The following PAN3 variants were observed in gnomAD, a reference collection of about 807,000 sequenced individuals.
The protein encoded by PAN3 is PAN2-PAN3 deadenylation complex subunit PAN3.
A neutral mutation model predicts 96.2 loss-of-function variants in PAN3; 19 were observed. That is an observed-to-expected ratio of 0.20 (90% CI 0.14 to 0.29). The LOEUF (loss-of-function observed/expected upper bound fraction) is 0.29. Among genes scored for constraint, PAN3 ranks in the 10% least tolerant of loss-of-function variants. The pLI, the probability that PAN3 is intolerant of heterozygous loss-of-function variation, is 1.00. For missense variants in PAN3, 882 were observed against 1,108.1 expected, an observed-to-expected ratio of 0.80 and a Z score of 2.90; for synonymous variants, 433 against 406.6, an observed-to-expected ratio of 1.06 and a Z score of -0.78.
intron 9 of PAN3, among the ~76,000 whole-genome samples, chr13:28,263,822 C>T (rs1278646199): frequency 6.6e-6 from 1 of 152,070 alleles, no homozygotes; most frequent in African/African-American, 2.4e-5. Context: ...TTAATTTTAT[C>T]TACATTTGTA....
intron 5 of PAN3, among the ~76,000 whole-genome samples, chr13:28,208,683 T>A (rs1268443042): frequency 6.6e-6 from 1 of 152,212 alleles, no homozygotes; most frequent in Non-Finnish European, 1.5e-5. Flanking sequence ...ATTTCAGATT[T>A]TCTGATTAGG....
chr13:28,205,374 C>A (rs1467759013), intron 5 of PAN3, among the ~76,000 whole-genome samples: 1 of 152,086 alleles, frequency 6.6e-6, no homozygotes, highest in African/African-American at 2.4e-5. Flanking sequence ...CCCTGGACCT[C>A]CTCTTCTCTC....
At chr13:28,165,127 C>T (rs138995929) in intron 1 of PAN3, among the ~76,000 whole-genome samples, 5,047 of 152,140 alleles carry the variant, frequency 0.033, 106 homozygotes, top group Non-Finnish European at 0.053. Flanking sequence ...AGGCTGGTCT[C>T]GAACTCCTGA....
At chr13:28,213,599 G>A (rs532568958) in intron 5 of PAN3, among the ~76,000 whole-genome samples, 52 of 150,782 alleles carry the variant, frequency 3.4e-4, no homozygotes, top group Non-Finnish European at 6.2e-4. Flanking sequence ...GTTTTGAAAC[G>A]TACTATGGTT....
chr13:28,216,415 T>C (rs1880778386), intron 5 of PAN3, among the ~76,000 whole-genome samples: 2 of 152,162 alleles, frequency 1.3e-5, no homozygotes, highest in African/African-American at 4.8e-5. Flanking sequence ...TTGATTTGGG[T>C]AATGGTTTCC....
At chr13:28,283,468 A>G (rs117179710) in intron 17 of PAN3, among the ~76,000 whole-genome samples, 3,744 of 152,240 alleles carry the variant, frequency 0.025, 61 homozygotes, top group South Asian at 0.051. Context: ...CATCCCCAAT[A>G]TCTATTCCCA....
At chr13:28,198,742 G>C (rs1375889428) in intron 5 of PAN3, among the ~76,000 whole-genome samples, 1 of 152,138 alleles carries the variant, frequency 6.6e-6, no homozygotes, top group Non-Finnish European at 1.5e-5. Context: ...CCAAGGCAAA[G>C]CCTATAATCC....
rs1869993212 is a variant in PAN3, at chr13:28,293,389, T to G, written c.*867T>G. 3 of 14,640 alleles carry G rather than the reference T, an allele frequency of 2.0e-4. No individual in the cohort carries two copies. The highest frequency in any genetic ancestry group is 1.3e-3 in the Admixed American group (1 of 794). The allele number at this position is 14,640 out of a possible 1,614,324, so 0.9% of individuals were successfully genotyped here. A position where few individuals can be genotyped will look rare whatever the true frequency, so the allele number is the denominator to read the frequency against. On this transcript the variant is annotated 3_prime_UTR_variant, in exon 19 of 19. Transcript: ENST00000380958. ...TTTAGGTTCTTTCCAGTTTGCTGGT[T>G]TTTTTTTTTTTTTTTTTTTTTTTTT...
At chr13:28,172,854 C>T (rs992078437) in intron 1 of PAN3, among the ~76,000 whole-genome samples, 21 of 152,044 alleles carry the variant, frequency 1.4e-4, no homozygotes, top group South Asian at 2.1e-4. Context: ...GGCAGGAGTT[C>T]GAGACCAGCC....
intron 5 of PAN3, among the ~76,000 whole-genome samples, chr13:28,217,865 T>A (rs1438293322): frequency 2.6e-5 from 4 of 151,990 alleles, no homozygotes; most frequent in East Asian, 1.9e-4. Flanking sequence ...CTATTTTTCT[T>A]ATTTATCCCA....
intron 7 of PAN3, among the ~76,000 whole-genome samples, chr13:28,259,387 A>G (rs936625177): frequency 6.6e-5 from 10 of 150,944 alleles, no homozygotes; most frequent in South Asian, 2.1e-4. Flanking sequence ...GTGCACTGCA[A>G]CCTCCACCTC....
intron 4 of PAN3, among the ~76,000 whole-genome samples, chr13:28,192,541 T>G (rs1877428772): frequency 6.6e-6 from 1 of 152,218 alleles, no homozygotes; most frequent in Non-Finnish European, 1.5e-5. Context: ...CTAGGCACAT[T>G]TATTCTTCCT....
chr13:28,281,766 C>CTTTTTTTTTTTTTTTTTTT (rs10707261), intron 17 of PAN3, among the ~76,000 whole-genome samples: 1 of 114,958 alleles, frequency 8.7e-6, no homozygotes, highest in Non-Finnish European at 1.8e-5. Flanking sequence ...TTAAAGCACA[C>CTTTTTTTTTTTTTTTTTTT]TTTTTTTTTT....
chr13:28,192,146 T>C (rs1400234127), intron 4 of PAN3, among the ~76,000 whole-genome samples: 1 of 151,408 alleles, frequency 6.6e-6, no homozygotes, highest in Non-Finnish European at 1.5e-5. Flanking sequence ...CTCAGCTCAC[T>C]GCAGCCTCCG....
chr13:28,188,843 AATG>A lies in PAN3; in HGVS notation c.691-8341_691-8339del, dbSNP rs766552843. On this transcript the variant is annotated intron_variant, in intron 4 of 18. Transcript: ENST00000380958. Reference sequence around the variant, plus strand: ...TGTTTTGCAATTACCAAAAGAATTAAATGCTCTGAGAATTGGTCTGTTACTTAG... The same window carrying A: ...TGTTTTGCAATTACCAAAAGAATTAACTCTGAGAATTGGTCTGTTACTTAG... 1.2e-3 allele frequency among the ~76,000 whole-genome samples: 178 copies of A among 152,330 alleles called. 1 individual carries two copies. Among genetic ancestry groups the A allele is most frequent in the Non-Finnish European group, 2.3e-3 (157 of 68,038 alleles).
intron 6 of PAN3, among the ~76,000 whole-genome samples, chr13:28,247,840 T>C (rs878891087): frequency 6.6e-6 from 1 of 152,228 alleles, no homozygotes; most frequent in Admixed American, 6.5e-5. Flanking sequence ...TTGTAATATA[T>C]TTTGAAGCAA....
intron 4 of PAN3, among the ~76,000 whole-genome samples, chr13:28,178,168 G>C (rs569163052): frequency 6.6e-6 from 1 of 152,070 alleles, no homozygotes; most frequent in East Asian, 1.9e-4. Context: ...GCTTATTTTT[G>C]TTCAGTTTAT....
intron 1 of PAN3, among the ~76,000 whole-genome samples, chr13:28,170,076 A>G (rs1181447786): frequency 1.3e-5 from 2 of 151,862 alleles, no homozygotes; most frequent in South Asian, 2.1e-4. Context: ...AATAATAATA[A>G]TAATTTTAAC....
At chr13:28,162,157 T>TA (rs1479259809) in intron 1 of PAN3, among the ~76,000 whole-genome samples, 1 of 152,210 alleles carries the variant, frequency 6.6e-6, no homozygotes, top group Non-Finnish European at 1.5e-5. Context: ...GTTTTAGTGT[T>TA]ACAGAGGAAG....
Sources: allele counts gnomAD v4.1 joint callset (sites outside exome capture counted in the v4.1 genomes callset), GRCh38; gene constraint gnomAD v4.1.1; transcripts MANE v1.5; gene names NCBI Gene and HGNC (gene_info 2026-07-23, HGNC 2026-07-21).